The following EYS variants were observed in gnomAD, a reference collection of about 807,000 sequenced individuals.
EYS encodes the protein protein eyes shut homolog.
Under a neutral mutation model 282.1 loss-of-function variants are expected in EYS, and 250 were observed. The observed-to-expected ratio is 0.89, with a 90% CI of 0.80 to 0.98. The LOEUF is 0.98. Ranked by LOEUF, EYS falls within the 50% of genes least tolerant of loss-of-function variation. The probability of loss-of-function intolerance (pLI) is 0.00; values close to 1 mark genes in which losing one functional copy is unlikely to be tolerated. For missense variants in EYS, 4,016 were observed against 3,709.0 expected (o/e 1.08, Z -2.15); for synonymous variants, 1,355 against 1,282.9 (o/e 1.06, Z -1.20).
chr6:64,193,305 C>G (rs1191580032), intron 31 of EYS, among the ~76,000 whole-genome samples: 1 of 151,654 alleles, frequency 6.6e-6, no homozygotes, highest in Admixed American at 6.6e-5. Flanking sequence ...GAATGAGTTA[C>G]TATTGTTTTT....
At chr6:64,098,743 G>A (rs1214299136) in intron 31 of EYS, among the ~76,000 whole-genome samples, 1 of 151,826 alleles carries the variant, frequency 6.6e-6, no homozygotes, top group Non-Finnish European at 1.5e-5. Context: ...TGGGACTAGA[G>A]GTGTGTGCCA....
chr6:64,455,173 A>G (rs1349709666), intron 26 of EYS, among the ~76,000 whole-genome samples: 1 of 151,992 alleles, frequency 6.6e-6, no homozygotes, highest in Non-Finnish European at 1.5e-5. Flanking sequence ...CTGCCTCACA[A>G]AGTGTTACGA....
At chr6:65,265,234 A>C (rs1562059324) in intron 12 of EYS, among the ~76,000 whole-genome samples, 1 of 152,054 alleles carries the variant, frequency 6.6e-6, no homozygotes, top group Non-Finnish European at 1.5e-5. Context: ...ACGTACCCTC[A>C]GGATCCAAAA....
chr6:63,759,328 C>T (rs1297897092), intron 41 of EYS, among the ~76,000 whole-genome samples: 1 of 152,070 alleles, frequency 6.6e-6, no homozygotes, highest in Non-Finnish European at 1.5e-5. Flanking sequence ...GTTACTTGCC[C>T]AATGTCTAAG....
In EYS at chr6:65,037,549, T is replaced by C. The variant is rs190870706; in HGVS notation, c.2137+20065A>G. On this transcript the variant is annotated intron_variant, in intron 13 of 42. Transcript: ENST00000503581. ...TATTTTCTCTTCCGTATGATTTTCT[T>C]AGTGTTTTTTCTTTTCTCTAGGTTA... 1.2e-4 allele frequency among the ~76,000 whole-genome samples: 18 copies of C among 151,960 alleles called. No individual in the cohort carries two copies. The East Asian group carries it at 3.5e-3, about 29-fold the overall frequency.
At chr6:64,715,775 T>C (rs1587124) in intron 22 of EYS, among the ~76,000 whole-genome samples, 140,537 of 152,276 alleles carry the variant, frequency 0.92, 65,422 homozygotes, top group Non-Finnish European at 0.99. Flanking sequence ...TTTGAATGCC[T>C]CCACTTTATC....
Position 64,984,761 on chromosome 6 carries a change from G to T in EYS, c.2259+12821C>A, listed in dbSNP as rs532959617. 2.0e-5 allele frequency among the ~76,000 whole-genome samples: 3 copies of T among 151,452 alleles called. No individual in the cohort carries two copies. In the South Asian group the frequency reaches 6.2e-4, roughly 31 times the overall value. ...GCAGCCAGGGACATATCTTCTTAGTGAACTTATTTCTGTGATACGATCCAG... is the reference window on the plus strand; with the variant it reads ...GCAGCCAGGGACATATCTTCTTAGTTAACTTATTTCTGTGATACGATCCAG... On this transcript the variant is annotated intron_variant, in intron 14 of 42. Coordinates refer to ENST00000503581, the MANE Select transcript of EYS (RefSeq NM_001142800.2).
At chr6:63,778,903 A>G (rs1582198297) in intron 39 of EYS, among the ~76,000 whole-genome samples, 1 of 152,042 alleles carries the variant, frequency 6.6e-6, no homozygotes, top group East Asian at 1.9e-4. Flanking sequence ...TTGGTTGGGT[A>G]TCAAAAATCT....
intron 14 of EYS, among the ~76,000 whole-genome samples, chr6:64,989,426 T>C (rs1042654301): frequency 9.0e-6 from 1 of 111,608 alleles, no homozygotes; most frequent in African/African-American, 3.9e-5. Context: ...TGAATATATA[T>C]GAGAAACAGG....
At chr6:64,633,275 T>A (rs1767854972) in intron 22 of EYS, among the ~76,000 whole-genome samples, 1 of 152,180 alleles carries the variant, frequency 6.6e-6, no homozygotes, top group South Asian at 2.1e-4. Context: ...AAAAGGACAT[T>A]AACTACACCT....
intron 21 of EYS, among the ~76,000 whole-genome samples, chr6:64,815,799 T>C (rs1253643179): frequency 6.6e-6 from 1 of 152,064 alleles, no homozygotes; most frequent in Non-Finnish European, 1.5e-5. Context: ...CAGTGATATA[T>C]TCATTCAACG....
intron 31 of EYS, among the ~76,000 whole-genome samples, chr6:64,226,133 T>C (rs1395623890): frequency 6.6e-6 from 1 of 152,150 alleles, no homozygotes; most frequent in Non-Finnish European, 1.5e-5. Context: ...AGCTATGGAA[T>C]ACCTGACACT....
intron 2 of EYS, among the ~76,000 whole-genome samples, chr6:65,594,878 A>T (rs995622738): frequency 1.3e-5 from 2 of 152,112 alleles, no homozygotes; most frequent in African/African-American, 4.8e-5. Context: ...AGCTTTCTAC[A>T]TATGGCTAGC....
At chr6:64,140,539 G>A (rs188950973) in intron 31 of EYS, among the ~76,000 whole-genome samples, 3 of 152,274 alleles carry the variant, frequency 2.0e-5, no homozygotes, top group Admixed American at 6.5e-5. Flanking sequence ...GACCATCTGA[G>A]TTCAGCCAAT....
At chr6:65,216,407 C>T (rs2150255779) in intron 12 of EYS, among the ~76,000 whole-genome samples, 1 of 151,844 alleles carries the variant, frequency 6.6e-6, no homozygotes. Context: ...AGTTTATAAT[C>T]CATGCTATAA....
At chr6:64,628,326 A>C (rs1417480036) in intron 22 of EYS, among the ~76,000 whole-genome samples, 1 of 151,888 alleles carries the variant, frequency 6.6e-6, no homozygotes, top group Non-Finnish European at 1.5e-5. Context: ...AAATAAACTC[A>C]GGTCTGATTT....
intron 33 of EYS, among the ~76,000 whole-genome samples, chr6:64,064,929 T>G (rs1438687427): frequency 6.6e-6 from 1 of 152,214 alleles, no homozygotes; most frequent in Non-Finnish European, 1.5e-5. Context: ...TGTCTGTTGC[T>G]CTGAAGGAGT....
At chr6:64,064,304 G>C (rs1408890712) in intron 33 of EYS, among the ~76,000 whole-genome samples, 1 of 152,036 alleles carries the variant, frequency 6.6e-6, no homozygotes, top group Non-Finnish European at 1.5e-5. Context: ...AGAAACATTT[G>C]TTAAATGAAT....
At chr6:64,058,985 C>T (rs969293754) in intron 33 of EYS, among the ~76,000 whole-genome samples, 4 of 152,074 alleles carry the variant, frequency 2.6e-5, no homozygotes, top group African/African-American at 7.2e-5. Flanking sequence ...TATTTGTTAT[C>T]CTCTGCATTA....
Sources: gnomAD v4.1 joint callset for allele counts (sites outside exome capture counted in the v4.1 genomes callset) on GRCh38, gnomAD v4.1.1 for gene constraint, MANE v1.5 for transcripts, NCBI Gene and HGNC (gene_info 2026-07-23, HGNC 2026-07-21) for gene names.